PRKG1: variants seen among roughly 807,000 people sequenced by gnomAD.
PRKG1 encodes the protein cGMP-dependent protein kinase 1.
PRKG1 carries 35 observed loss-of-function variants against 88.1 expected under a neutral mutation model. The ratio of observed to expected loss-of-function variants is 0.40; its 90% confidence interval spans 0.30 to 0.53. The LOEUF is 0.53. Among genes scored for constraint, PRKG1 ranks in the 20% least tolerant of loss-of-function variants. The pLI, the probability that PRKG1 is intolerant of heterozygous loss-of-function variation, is 0.59. For synonymous variants in PRKG1, 303 were observed against 292.5 expected (o/e 1.04, Z -0.37); for missense variants, 540 against 839.8 (o/e 0.64, Z 4.41).
intron 2 of PRKG1, among the ~76,000 whole-genome samples, chr10:51,315,035 G>C (rs1841284853): frequency 6.6e-6 from 1 of 152,170 alleles, no homozygotes; most frequent in South Asian, 2.1e-4. Flanking sequence ...CATTACAGTA[G>C]AGAACAAAGT....
chr10:51,169,847 C>T (rs542449792), intron 2 of PRKG1, among the ~76,000 whole-genome samples: 2 of 152,064 alleles, frequency 1.3e-5, no homozygotes, highest in South Asian at 2.1e-4. Context: ...GTGTCTGGCA[C>T]GTAGGAGTGG....
intron 3 of PRKG1, among the ~76,000 whole-genome samples, chr10:51,560,808 A>G (rs947893511): frequency 6.6e-6 from 1 of 152,108 alleles, no homozygotes; most frequent in African/African-American, 2.4e-5. Flanking sequence ...TTGTGATTCA[A>G]TACAGGTGAC....
chr10:51,017,699 G>A (rs1843086424), intron 1 of PRKG1, among the ~76,000 whole-genome samples: 1 of 151,972 alleles, frequency 6.6e-6, no homozygotes, highest in African/African-American at 2.4e-5. Flanking sequence ...TCTTTACATT[G>A]GGATAGGTGT....
rs77201536 is a variant in PRKG1 at position 51,987,685 on chromosome 10, A to G, written c.763-66799A>G. On this transcript the variant is annotated intron_variant, in intron 5 of 17. Transcript: ENST00000373980. ...AGGCTATTTCTTTAATTTTAGTTCA[A>G]TATTTGTAACTATTCGCTCTAAAGA... is the stretch of plus-strand genomic sequence containing the variant. Among the ~76,000 whole-genome samples the G allele has an allele frequency of 1.6e-3, 237 of 152,148 alleles. 4 individuals carry two copies. The East Asian group carries it at 0.037, about 24-fold the overall frequency.
At chr10:51,733,795 G>A (rs767349161) in intron 3 of PRKG1, among the ~76,000 whole-genome samples, 2 of 151,968 alleles carry the variant, frequency 1.3e-5, no homozygotes, top group Non-Finnish European at 1.5e-5. Context: ...TGCAATTGTC[G>A]CAATGAATAT....
chr10:51,896,302 A>G (rs1269228058), intron 4 of PRKG1, among the ~76,000 whole-genome samples: 1 of 152,260 alleles, frequency 6.6e-6, no homozygotes, highest in East Asian at 1.9e-4. Context: ...TAGCTGCTGA[A>G]CTTTATTAAG....
At chr10:51,412,191 G>A (rs1272526366) in intron 2 of PRKG1, among the ~76,000 whole-genome samples, 1 of 94,416 alleles carries the variant, frequency 1.1e-5, no homozygotes, top group Non-Finnish European at 2.4e-5. Flanking sequence ...GAGAGAGAGA[G>A]AGAGAGAGAG....
chr10:52,174,372 TTC>T (rs1389437566), intron 9 of PRKG1, among the ~76,000 whole-genome samples: 32 of 152,054 alleles, frequency 2.1e-4, no homozygotes, highest in African/African-American at 7.7e-4. Context: ...GTATATCAGC[TTC>T]TTTCTTCAGG....
intron 3 of PRKG1, among the ~76,000 whole-genome samples, chr10:51,610,893 G>C (rs1043395053): frequency 2.6e-5 from 4 of 152,080 alleles, no homozygotes; most frequent in Admixed American, 2.0e-4. Flanking sequence ...GCCTATCAGG[G>C]CTTGGGGGGA....
At chr10:51,981,340 C>G (rs912214465) in intron 5 of PRKG1, among the ~76,000 whole-genome samples, 4 of 152,132 alleles carry the variant, frequency 2.6e-5, no homozygotes, top group African/African-American at 7.2e-5. Context: ...AATCCCAGCA[C>G]TTTGGGAGGC....
intron 3 of PRKG1, among the ~76,000 whole-genome samples, chr10:51,566,926 A>G (rs1002798566): frequency 2.0e-5 from 3 of 148,082 alleles, no homozygotes; most frequent in Non-Finnish European, 4.4e-5. Flanking sequence ...ATACACACAC[A>G]TAAAAAAAAA....
chr10:51,869,805 G>T (rs151025666), intron 4 of PRKG1, among the ~76,000 whole-genome samples: 2 of 152,046 alleles, frequency 1.3e-5, no homozygotes, highest in African/African-American at 2.4e-5. Context: ...TTGAAACAAA[G>T]ATGTGTTTAA....
intron 9 of PRKG1, among the ~76,000 whole-genome samples, chr10:52,180,003 AC>A (rs1321274943): frequency 2.6e-5 from 4 of 152,256 alleles, no homozygotes; most frequent in African/African-American, 9.6e-5. Context: ...GATTTTCTGT[AC>A]CTTTTGATTT....
intron 1 of PRKG1, among the ~76,000 whole-genome samples, chr10:51,008,640 G>A (rs1361577736): frequency 6.6e-6 from 1 of 152,060 alleles, no homozygotes; most frequent in Admixed American, 6.6e-5. Context: ...TCAATTTGGG[G>A]CCCACCCTAA....
At chr10:51,208,813 G>A (rs960297266) in intron 2 of PRKG1, among the ~76,000 whole-genome samples, 3 of 152,116 alleles carry the variant, frequency 2.0e-5, no homozygotes, top group Non-Finnish European at 4.4e-5. Context: ...AATACTCCTA[G>A]GATTTTAGAT....
rs112928682 is a variant in PRKG1, at chr10:51,201,807, G to A, written c.478+48477G>A. On this transcript the variant is annotated intron_variant, in intron 2 of 17. Transcript: ENST00000373980. Reference sequence around the variant, plus strand: ...CAGAACCCAACCTTGCTGGCACCCTGATATCAGACTTCCAGCCTCCACAAC... The same window carrying A: ...CAGAACCCAACCTTGCTGGCACCCTAATATCAGACTTCCAGCCTCCACAAC... 3.5e-3 allele frequency among the ~76,000 whole-genome samples: 540 copies of A among 152,304 alleles called. 3 individuals carry two copies. The highest frequency in any genetic ancestry group is 0.017 in the Middle Eastern group (5 of 294).
chr10:51,257,855 C>A (rs1839605166), intron 2 of PRKG1, among the ~76,000 whole-genome samples: 1 of 152,140 alleles, frequency 6.6e-6, no homozygotes, highest in South Asian at 2.1e-4. Flanking sequence ...TACACTTAAA[C>A]AAAACCTAAG....
intron 1 of PRKG1, among the ~76,000 whole-genome samples, chr10:51,082,113 TC>T (rs763209877): frequency 1.3e-5 from 2 of 152,052 alleles, no homozygotes; most frequent in Non-Finnish European, 1.5e-5. Flanking sequence ...TTCTGGATTA[TC>T]CCAATTTCAC....
At chr10:51,638,847 T>G (rs1289310603) in intron 3 of PRKG1, among the ~76,000 whole-genome samples, 1 of 152,086 alleles carries the variant, frequency 6.6e-6, no homozygotes, top group Non-Finnish European at 1.5e-5. Flanking sequence ...TAATTAAGGT[T>G]AAGAATAAAA....
Sources: gnomAD v4.1 joint callset for allele counts (sites outside exome capture counted in the v4.1 genomes callset) on GRCh38, gnomAD v4.1.1 for gene constraint, MANE v1.5 for transcripts, NCBI Gene and HGNC (gene_info 2026-07-23, HGNC 2026-07-21) for gene names.